The following PKHD1 variants were observed in gnomAD, a reference collection of about 807,000 sequenced individuals.
The protein encoded by PKHD1 is PKHD1 ciliary IPT domain containing fibrocystin/polyductin.
A neutral mutation model predicts 412.0 loss-of-function variants in PKHD1; 291 were observed. The ratio of observed to expected loss-of-function variants is 0.71; its 90% CI spans 0.64 to 0.78. PKHD1 has a LOEUF of 0.78. Among genes scored for constraint, PKHD1 ranks in the 30% least tolerant of loss-of-function variants. The probability of loss-of-function intolerance (pLI) is 0.00; values close to 1 mark genes in which losing one functional copy is unlikely to be tolerated. For missense variants in PKHD1, 4,825 were observed against 4,950.7 expected, an observed-to-expected ratio of 0.97 and a Z score of 0.76; for synonymous variants, 1,777 against 1,821.5, an observed-to-expected ratio of 0.98 and a Z score of 0.62.
intron 63 of PKHD1, among the ~76,000 whole-genome samples, chr6:51,644,054 A>C (rs545086383): frequency 6.6e-6 from 1 of 152,312 alleles, no homozygotes; most frequent in Non-Finnish European, 1.5e-5. Context: ...TTTAAAAAGT[A>C]AGGGTTTTGA....
At chr6:51,919,468 G>T (rs1182440026) in intron 37 of PKHD1, among the ~76,000 whole-genome samples, 1 of 152,136 alleles carries the variant, frequency 6.6e-6, no homozygotes, top group Non-Finnish European at 1.5e-5. Context: ...TGAGGGCTCT[G>T]TTCTGTTCCA....
At chr6:52,009,432 A>G (rs1267642151) in intron 35 of PKHD1, among the ~76,000 whole-genome samples, 1 of 152,272 alleles carries the variant, frequency 6.6e-6, no homozygotes, top group Non-Finnish European at 1.5e-5. Flanking sequence ...CTGCAGCAGC[A>G]TTCACAAGAG....
chr6:51,912,311 A>C, intron 38 of PKHD1, 55 bp downstream of exon 38: 1 of 1,092,590 alleles, frequency 9.2e-7, no homozygotes, highest in Non-Finnish European at 1.4e-6. Flanking sequence ...AGACCCCAAT[A>C]CAGTTAAGAT....
chr6:51,887,076 C>T lies in PKHD1; in HGVS notation c.7109+57G>A. ...AAGTGCTCTCATTGTGAGCATTCTA[C>T]AGTAAAATGTGAAATCATAAGACAG... On this transcript the variant is annotated intron_variant, in intron 44 of 66. Transcript: ENST00000371117. 3.8e-6 allele frequency: 4 copies of T among 1,057,756 alleles called. No individual in the cohort carries two copies. The Admixed American group carries it at 5.1e-5, about 13-fold the overall frequency. 65.5% of individuals were successfully genotyped at this position (1,057,756 alleles called of 1,614,324 possible). A position where few individuals can be genotyped will look rare whatever the true frequency, so the allele number is the denominator to read the frequency against.
intron 18 of PKHD1, 118 bp from the exon 19 acceptor site, chr6:52,055,847 C>G: frequency 5.9e-6 from 6 of 1,010,604 alleles, no homozygotes; most frequent in Non-Finnish European, 7.3e-6. Flanking sequence ...CCCGTTCTAA[C>G]CCAATTACCC....
chr6:51,620,798 A>ATATATG (rs1161816745), intron 66 of PKHD1, among the ~76,000 whole-genome samples: 40 of 145,164 alleles, frequency 2.8e-4, no homozygotes, highest in African/African-American at 9.8e-4. Context: ...ATATATATAT[A>ATATATG]TGTATATATA....
intron 35 of PKHD1, among the ~76,000 whole-genome samples, chr6:51,971,637 C>T (rs190520966): frequency 1.3e-5 from 2 of 152,294 alleles, no homozygotes; most frequent in African/African-American, 4.8e-5. Flanking sequence ...TGATCCTGAA[C>T]ATGGCCAGGA....
chr6:52,053,059 G>A lies in PKHD1; in HGVS notation c.2140+17C>T, dbSNP rs776115339. 3.1e-6 allele frequency: 5 copies of A among 1,612,508 alleles called. No homozygotes were observed. Among genetic ancestry groups the A allele is most frequent in the Non-Finnish European group, 4.2e-6 (5 of 1,178,998 alleles). On this transcript the variant is annotated intron_variant, in intron 21 of 66. Coordinates refer to ENST00000371117, the MANE Select transcript of PKHD1 (RefSeq NM_138694.4). ...GCATGTGACCGGCTTGTGGAGGAGAGAGAATTTGATGATTACCTGTTACGT... is the reference window on the plus strand; with the variant it reads ...GCATGTGACCGGCTTGTGGAGGAGAAAGAATTTGATGATTACCTGTTACGT...
chr6:51,668,168 C>T (rs1774191087), intron 60 of PKHD1, among the ~76,000 whole-genome samples: 1 of 152,240 alleles, frequency 6.6e-6, no homozygotes, highest in East Asian at 1.9e-4. Flanking sequence ...TTGATTCTTC[C>T]TACCCATGAG....
chr6:52,030,740 G>A (rs1802915349), intron 29 of PKHD1, among the ~76,000 whole-genome samples: 1 of 152,156 alleles, frequency 6.6e-6, no homozygotes, highest in African/African-American at 2.4e-5. Flanking sequence ...GCAGCCTGGT[G>A]GGTAGCCTCT....
chr6:51,817,596 T>C (rs895853193), intron 52 of PKHD1, among the ~76,000 whole-genome samples: 4 of 152,200 alleles, frequency 2.6e-5, no homozygotes, highest in South Asian at 2.1e-4. Flanking sequence ...CAATCATTCC[T>C]GCTGATCCAA....
At chr6:51,737,970 T>G (rs1784067905) in intron 60 of PKHD1, among the ~76,000 whole-genome samples, 1 of 152,200 alleles carries the variant, frequency 6.6e-6, no homozygotes, top group African/African-American at 2.4e-5. Context: ...AAAATACAAA[T>G]AATCAGACAA....
At position 51,834,491 on chromosome 6, in the gene PKHD1, T is replaced by A. The variant is rs151120552; in HGVS notation, c.8173+1913A>T. On this transcript the variant is annotated intron_variant, in intron 51 of 66. Coordinates refer to ENST00000371117, the MANE Select transcript of PKHD1 (RefSeq NM_138694.4). ...ATGGTTAACTCATTCAAACATTGGA[T>A]TGACCCATTCAAACAATGGAATGAA... Among the ~76,000 whole-genome samples, 215 of 152,094 alleles carry A rather than the reference T, an allele frequency of 1.4e-3. 1 individual carries two copies. Among genetic ancestry groups the A allele is most frequent in the African/African-American group, 4.9e-3 (202 of 41,502 alleles).
At position 52,058,325 on chromosome 6, in the gene PKHD1, G is replaced by A. The variant is rs759322460; in HGVS notation, c.1510C>T (p.Gln504Ter). 2.5e-6 allele frequency: 4 copies of A among 1,613,926 alleles called. No individual in the cohort carries two copies. The highest frequency in any genetic ancestry group is 2.7e-5 in the African/African-American group (2 of 74,924). ...TGGGACTGGAAAGAGACACAGACCT[G>A]TACTTCTGGAAGCCTCTGGGCTCGG... ...RVRAQRLPEV[Q>*]VLNVSGRGNF... The change falls in exon 16 of 67, where the codon CAG (glutamine) becomes TAG (stop). Residue 504 changes from glutamine to a stop codon, truncating the protein, a stop_gained and splice_region_variant. Transcript: ENST00000371117. LOFTEE classifies it high-confidence loss of function.
At chr6:52,014,761 G>A (rs1800293620) in intron 34 of PKHD1, among the ~76,000 whole-genome samples, 1 of 137,238 alleles carries the variant, frequency 7.3e-6, no homozygotes, top group Admixed American at 7.2e-5. Flanking sequence ...TGGATGGATG[G>A]ATGAATATAC....
At chr6:51,673,525 T>C (rs570087654) in intron 60 of PKHD1, among the ~76,000 whole-genome samples, 2 of 152,368 alleles carry the variant, frequency 1.3e-5, no homozygotes, top group Admixed American at 6.5e-5. Context: ...TAGTCTTTGT[T>C]TATTTTCTTA....
rs570252948 is a variant in PKHD1 at position 51,782,037 on chromosome 6, T to C, written c.8441-6116A>G. Among the ~76,000 whole-genome samples, 7 of 108,102 alleles carry C rather than the reference T, an allele frequency of 6.5e-5. No individual in the cohort carries two copies. The East Asian group carries it at 3.0e-3, about 46-fold the overall frequency. 70.9% of individuals were successfully genotyped at this position (108,102 alleles called of 152,430 possible). A position where few individuals can be genotyped will look rare whatever the true frequency, so the allele number is the denominator to read the frequency against. ...TTTGTTTGTATGCAAAATTAAATAG[T>C]TTATAATAAATTTATATGATTAATT... On this transcript the variant is annotated intron_variant, in intron 53 of 66. Coordinates refer to ENST00000371117, the MANE Select transcript of PKHD1 (RefSeq NM_138694.4).
chr6:51,845,622 C>T (rs1383965901), intron 50 of PKHD1, among the ~76,000 whole-genome samples: 1 of 152,134 alleles, frequency 6.6e-6, no homozygotes, highest in East Asian at 1.9e-4. Context: ...GTGTTTTATA[C>T]TAAGACATTC....
intron 52 of PKHD1, among the ~76,000 whole-genome samples, chr6:51,806,674 G>A (rs930656078): frequency 2.0e-5 from 3 of 148,126 alleles, no homozygotes; most frequent in East Asian, 2.0e-4. Flanking sequence ...GAGAAGAATC[G>A]TTATCTAAAA....
Sources: gnomAD v4.1 joint callset for allele counts (sites outside exome capture counted in the v4.1 genomes callset) on GRCh38, gnomAD v4.1.1 for gene constraint, MANE v1.5 for transcripts, NCBI Gene and HGNC (gene_info 2026-07-23, HGNC 2026-07-21) for gene names.